Variants in ENDOU observed in about 807,000 individuals in gnomAD.
The protein encoded by ENDOU is endonuclease, poly(U) specific.
In ENDOU, 49 loss-of-function variants were observed where a neutral mutation model predicts 54.2. That is an observed-to-expected ratio of 0.90 (90% CI 0.72 to 1.15). The LOEUF (loss-of-function observed/expected upper bound fraction) is 1.15. ENDOU is among the 50% of genes most tolerant of loss of function. The pLI is 0.00. For missense variants in ENDOU, 458 were observed against 511.4 expected (o/e 0.90, Z 1.01); for synonymous variants, 172 against 190.5 (o/e 0.90, Z 0.80).
chr12:47,722,870 C>G (rs1027610267), intron 1 of ENDOU, among the ~76,000 whole-genome samples: 1 of 152,180 alleles, frequency 6.6e-6, no homozygotes, highest in Non-Finnish European at 1.5e-5. Flanking sequence ...GAGACCAGGC[C>G]CAAGGCCACT....
At chr12:47,720,610 G>A in intron 2 of ENDOU, 143 bp downstream of exon 2, 1 of 811,188 alleles carries the variant, frequency 1.2e-6, no homozygotes, top group Non-Finnish European at 1.7e-6. Context: ...CCAAATTCCT[G>A]ACCCTGCCTC....
rs1409758490 is a variant in ENDOU at position 47,710,897 on chromosome 12, A to G, written c.1138T>C (p.Tyr380His). The change falls in exon 10 of 10, where the codon TAT becomes CAT. Residue 380 changes from tyrosine (Y) to histidine (H), a missense_variant. Physicochemically the swap from Tyr to His is moderately conservative, Grantham distance 83 (BLOSUM62 2). Transcript: ENST00000422538. ...GKVCQLSLGGYPLAVRTYTWD... is the reference protein window; with the variant it reads ...GKVCQLSLGGHPLAVRTYTWD... ...GTATATGTCCGGACAGCTAAGGGAT[A>G]TCCTCCCAGGCTTAACTGGCACCTG... is the stretch of plus-strand genomic sequence containing the variant. 1 of 1,613,478 alleles carries G rather than the reference A, an allele frequency of 6.2e-7. No individual in the cohort carries two copies. The highest frequency in any genetic ancestry group is 2.2e-5 in the East Asian group (1 of 44,868).
chr12:47,713,539 T>A (rs1347524467), intron 6 of ENDOU, 151 bp from the exon 7 acceptor site: 1 of 619,402 alleles, frequency 1.6e-6, no homozygotes, highest in Non-Finnish European at 2.9e-6. Flanking sequence ...TCAATGATTA[T>A]CTATGGGATG....
At chr12:47,721,388 T>C (rs1940429007) in intron 1 of ENDOU, among the ~76,000 whole-genome samples, 2 of 152,180 alleles carry the variant, frequency 1.3e-5, no homozygotes, top group Non-Finnish European at 2.9e-5. Context: ...GTGAACTGGG[T>C]GTAGCCCACA....
chr12:47,723,494 T>C (rs1299897385), intron 1 of ENDOU, among the ~76,000 whole-genome samples: 1 of 152,212 alleles, frequency 6.6e-6, no homozygotes, highest in Non-Finnish European at 1.5e-5. Flanking sequence ...CTGTGCCTCT[T>C]GTTCCTCTGC....
intron 3 of ENDOU, 151 bp from the exon 4 acceptor site, chr12:47,717,806 C>T: frequency 1.3e-6 from 1 of 765,164 alleles, no homozygotes; most frequent in Non-Finnish European, 2.1e-6. Flanking sequence ...CGTGCACACC[C>T]TTCACAGTCA....
chr12:47,723,417 A>G (rs2136693690), intron 1 of ENDOU, among the ~76,000 whole-genome samples: 1 of 152,254 alleles, frequency 6.6e-6, no homozygotes, highest in East Asian at 1.9e-4. Context: ...ACACTGCACC[A>G]TTAACACCAA....
intron 9 of ENDOU, among the ~76,000 whole-genome samples, 171 bp downstream of exon 9, chr12:47,711,462 A>G (rs1399941161): frequency 1.3e-5 from 2 of 152,196 alleles, no homozygotes; most frequent in Non-Finnish European, 2.9e-5. Flanking sequence ...GCAGCCACCA[A>G]ACCAATCCAA....
intron 4 of ENDOU, 48 bp from the exon 5 acceptor site, chr12:47,717,106 G>A: frequency 1.3e-6 from 2 of 1,570,962 alleles, no homozygotes; most frequent in Non-Finnish European, 1.7e-6. Context: ...AGGGAAAGGG[G>A]GGCGGGCAGG....
chr12:47,716,932 G>T lies in ENDOU; in HGVS notation c.509C>A (p.Ser170Tyr), dbSNP rs1399047123. 1.2e-6 allele frequency: 2 copies of T among 1,614,102 alleles called. No individual in the cohort carries two copies. Among genetic ancestry groups the T allele is most frequent in the East Asian group, 2.2e-5 (1 of 44,894 alleles). ...CACTTGGTTTCTGGTCTCTGACGGG[G>T]AGATGCAGTTTTGGCTATTGAGAAC... The part of the protein sequence containing the change: ...DIVLNSQNCI[S>Y]PSETRNQVDR... Residue 170 changes from serine (S) to tyrosine (Y), a missense_variant, in exon 5 of 10, where the codon TCC (serine) becomes TAC (tyrosine). By Grantham distance (144) the Ser-to-Tyr change is moderately radical. Coordinates refer to ENST00000422538, the MANE Select transcript of ENDOU (RefSeq NM_001172439.2).
Position 47,717,673 on chromosome 12 carries a change from G to A in ENDOU, c.245-18C>T. 1 of 1,613,228 alleles carries A rather than the reference G, an allele frequency of 6.2e-7. No individual in the cohort carries two copies. Among genetic ancestry groups the A allele is most frequent in the Non-Finnish European group, 8.5e-7 (1 of 1,179,744 alleles). On this transcript the variant is annotated intron_variant, in intron 3 of 9. Coordinates refer to ENST00000422538, the MANE Select transcript of ENDOU (RefSeq NM_001172439.2). ...GTACAAGTCTGAGAAGAGAGGGGTG[G>A]TGTGTCCCGGGCTGACCTCTAGAGG...
intron 1 of ENDOU, among the ~76,000 whole-genome samples, chr12:47,721,534 C>G (rs567589210): frequency 1.6e-4 from 24 of 152,332 alleles, no homozygotes; most frequent in South Asian, 8.3e-4. Flanking sequence ...TCTGCACGCT[C>G]TTTCCCCCTG....
intron 1 of ENDOU, 119 bp from the exon 2 acceptor site, chr12:47,720,994 T>C (rs1940417114): frequency 2.1e-6 from 2 of 968,532 alleles, no homozygotes; most frequent in Non-Finnish European, 3.1e-6. Context: ...AGGGCATTAC[T>C]CTCTGCAAAG....
intron 6 of ENDOU, among the ~76,000 whole-genome samples, chr12:47,713,791 G>A (rs993931657): frequency 1.3e-5 from 2 of 149,482 alleles, no homozygotes; most frequent in African/African-American, 5.0e-5. Flanking sequence ...TCTGTGAAAA[G>A]GTAGCACTGA....
chr12:47,713,465 G>C, intron 6 of ENDOU, 77 bp from the exon 7 acceptor site: 1 of 915,600 alleles, frequency 1.1e-6, no homozygotes, highest in South Asian at 1.4e-5. Context: ...GACCTGAAGA[G>C]CTACTTGCTC....
Position 47,725,402 on chromosome 12 carries a change from G to A in ENDOU, c.12C>T (p.Cys4=). Residue 4 remains cysteine, a synonymous_variant, in exon 1 of 10, where the codon TGC becomes TGT. Transcript: ENST00000422538. ...ACAGCACGGCCAATACCAGGGAGAT[G>A]CAGGCCCTCATGGTGCCCAGTTGGA... The part of the protein sequence containing the change: MRA[C]ISLVLAVLCG... The A allele has an allele frequency of 6.2e-7, 1 of 1,614,170 alleles. No homozygotes were observed.
Position 47,725,229 on chromosome 12 carries a change from G to A in ENDOU, c.55+130C>T, listed in dbSNP as rs1940548069. On this transcript the variant is annotated intron_variant, in intron 1 of 9. Coordinates refer to ENST00000422538, the MANE Select transcript of ENDOU (RefSeq NM_001172439.2). ...GACAAGGACAACCCAAAAGTGCTCT[G>A]CGGCTTTAGGACAGAGCTCACCCTC... The A allele has an allele frequency of 7.0e-6, 7 of 995,688 alleles. No individual in the cohort carries two copies. In the South Asian group the frequency reaches 9.6e-5, roughly 14 times the overall value. 61.7% of individuals were successfully genotyped at this position (995,688 alleles called of 1,614,324 possible). A position where few individuals can be genotyped will look rare whatever the true frequency, so the allele number is the denominator to read the frequency against.
chr12:47,716,751 G>T, intron 5 of ENDOU, 139 bp downstream of exon 5: 1 of 853,062 alleles, frequency 1.2e-6, no homozygotes, highest in Non-Finnish European at 1.8e-6. Flanking sequence ...CCCTCAAGAT[G>T]GCTTTGTCTC....
chr12:47,724,847 C>T (rs961840681), intron 1 of ENDOU, among the ~76,000 whole-genome samples: 7 of 152,138 alleles, frequency 4.6e-5, no homozygotes, highest in African/African-American at 1.7e-4. Context: ...CCAGATAGGA[C>T]GAGGCCCACC....
Sources: allele counts gnomAD v4.1 joint callset (sites outside exome capture counted in the v4.1 genomes callset), GRCh38; gene constraint gnomAD v4.1.1; transcripts MANE v1.5; gene names NCBI Gene and HGNC (gene_info 2026-07-23, HGNC 2026-07-21).